Variants in KCND3 observed in about 807,000 individuals in gnomAD.
The protein encoded by KCND3 is A-type voltage-gated potassium channel KCND3.
A neutral mutation model predicts 51.1 loss-of-function variants in KCND3; 9 were observed. That is an observed-to-expected ratio of 0.18 (90% CI 0.11 to 0.31). KCND3 has a LOEUF of 0.31. Ranked by LOEUF, KCND3 falls within the 10% of genes least tolerant of loss-of-function variation. KCND3 has a pLI of 1.00. For missense variants in KCND3, 526 were observed against 903.8 expected, an observed-to-expected ratio of 0.58 and a Z score of 5.36; for synonymous variants, 349 against 368.0, an observed-to-expected ratio of 0.95 and a Z score of 0.59.
intron 2 of KCND3, among the ~76,000 whole-genome samples, chr1:111,969,943 G>A (rs1306014998): frequency 6.6e-6 from 1 of 152,074 alleles, no homozygotes; most frequent in Non-Finnish European, 1.5e-5. Context: ...CAAGCTAATG[G>A]CCTTCACTGT....
intron 2 of KCND3, among the ~76,000 whole-genome samples, chr1:111,798,666 G>A (rs146185699): frequency 5.3e-5 from 8 of 151,840 alleles, no homozygotes; most frequent in African/African-American, 1.9e-4. Context: ...CAAGCTCCAG[G>A]AGAAGAGAGG....
chr1:111,827,490 T>C (rs1666630066), intron 2 of KCND3, among the ~76,000 whole-genome samples: 1 of 152,172 alleles, frequency 6.6e-6, no homozygotes, highest in South Asian at 2.1e-4. Flanking sequence ...CCTGCCTCCA[T>C]CGCAAGTTAA....
intron 2 of KCND3, among the ~76,000 whole-genome samples, chr1:111,860,240 G>A (rs1175725894): frequency 6.6e-6 from 1 of 152,198 alleles, no homozygotes; most frequent in Non-Finnish European, 1.5e-5. Context: ...CCCCTAAGAA[G>A]TAGCTATTGT....
intron 2 of KCND3, among the ~76,000 whole-genome samples, chr1:111,964,170 C>T (rs755059104): frequency 9.2e-5 from 14 of 152,246 alleles, no homozygotes; most frequent in Non-Finnish European, 1.8e-4. Flanking sequence ...AAGGGGCCAA[C>T]AGTCTTCCTG....
At chr1:111,853,550 G>A (rs910995644) in intron 2 of KCND3, among the ~76,000 whole-genome samples, 3 of 152,116 alleles carry the variant, frequency 2.0e-5, no homozygotes, top group African/African-American at 7.2e-5. Flanking sequence ...GAATCACAAA[G>A]CCCACCCCGG....
intron 2 of KCND3, among the ~76,000 whole-genome samples, chr1:111,825,194 T>C (rs1336761131): frequency 6.6e-6 from 1 of 151,964 alleles, no homozygotes; most frequent in African/African-American, 2.4e-5. Flanking sequence ...TGATCCAGGG[T>C]CCACACTTTG....
intron 2 of KCND3, among the ~76,000 whole-genome samples, chr1:111,811,475 G>A (rs937882298): frequency 6.6e-6 from 1 of 152,152 alleles, no homozygotes; most frequent in South Asian, 2.1e-4. Flanking sequence ...AGCTGTGAGG[G>A]GTCTGTCCCT....
At chr1:111,829,131 TAAAC>T (rs1666714132) in intron 2 of KCND3, among the ~76,000 whole-genome samples, 1 of 152,218 alleles carries the variant, frequency 6.6e-6, no homozygotes, top group South Asian at 2.1e-4. Flanking sequence ...TTATGAGTGT[TAAAC>T]AGAGTCATGG....
chr1:111,989,321 C>T (rs1320893262), intron 1 of KCND3, among the ~76,000 whole-genome samples, 184 bp downstream of exon 1: 2 of 152,094 alleles, frequency 1.3e-5, no homozygotes, highest in Non-Finnish European at 2.9e-5. Context: ...GGAACCGACG[C>T]CCCCGGGCCG....
chr1:111,865,585 C>A (rs1461007159), intron 2 of KCND3, among the ~76,000 whole-genome samples: 1 of 152,196 alleles, frequency 6.6e-6, no homozygotes, highest in Non-Finnish European at 1.5e-5. Context: ...GAAATAATGT[C>A]TCTGAAAGAG....
At chr1:111,935,326 G>C (rs1672167321) in intron 2 of KCND3, among the ~76,000 whole-genome samples, 2 of 152,132 alleles carry the variant, frequency 1.3e-5, no homozygotes, top group South Asian at 2.1e-4. Flanking sequence ...TTTCTGAATT[G>C]ATTTTAGAGC....
intron 2 of KCND3, among the ~76,000 whole-genome samples, chr1:111,869,077 C>T (rs1036903662): frequency 7.2e-5 from 11 of 152,190 alleles, no homozygotes; most frequent in African/African-American, 1.4e-4. Flanking sequence ...TCCTTCCACA[C>T]GCTGCCCATC....
chr1:111,948,495 T>G (rs941538968), intron 2 of KCND3, among the ~76,000 whole-genome samples: 1 of 152,204 alleles, frequency 6.6e-6, no homozygotes, highest in Non-Finnish European at 1.5e-5. Flanking sequence ...CCCCACAGCA[T>G]AGGGCTGTTC....
chr1:111,903,438 T>A (rs1330167190), intron 2 of KCND3, among the ~76,000 whole-genome samples: 2 of 152,198 alleles, frequency 1.3e-5, no homozygotes, highest in Non-Finnish European at 2.9e-5. Flanking sequence ...CTGGGCCAAC[T>A]GTGGCCAAGC....
At chr1:111,850,344 C>A (rs1006180789) in intron 2 of KCND3, among the ~76,000 whole-genome samples, 4 of 152,162 alleles carry the variant, frequency 2.6e-5, no homozygotes, top group African/African-American at 9.7e-5. Flanking sequence ...CACCCCCACC[C>A]CAGTGTGCTT....
chr1:111,893,571 C>T (rs1669952956), intron 2 of KCND3, among the ~76,000 whole-genome samples: 1 of 152,166 alleles, frequency 6.6e-6, no homozygotes, highest in African/African-American at 2.4e-5. Context: ...TTCTATAGTA[C>T]AGGCAAGGCT....
chr1:111,812,932 C>T (rs551751200), intron 2 of KCND3, among the ~76,000 whole-genome samples: 1 of 152,328 alleles, frequency 6.6e-6, no homozygotes, highest in Admixed American at 6.5e-5. Flanking sequence ...CCCCTCACTC[C>T]CACCAAGATA....
At chr1:111,790,376 A>G (rs899135347) in intron 2 of KCND3, among the ~76,000 whole-genome samples, 5 of 152,188 alleles carry the variant, frequency 3.3e-5, no homozygotes, top group Admixed American at 3.3e-4. Context: ...TGTAGTGGGC[A>G]CCTATTTTGT....
At chr1:111,864,885 G>T (rs1040345578) in intron 2 of KCND3, among the ~76,000 whole-genome samples, 2 of 152,176 alleles carry the variant, frequency 1.3e-5, no homozygotes, top group Non-Finnish European at 2.9e-5. Flanking sequence ...GGAAGGGAGA[G>T]AAAGGCATAG....
Sources: allele counts gnomAD v4.1 joint callset (sites outside exome capture counted in the v4.1 genomes callset), GRCh38; gene constraint gnomAD v4.1.1; transcripts MANE v1.5; gene names NCBI Gene and HGNC (gene_info 2026-07-23, HGNC 2026-07-21).